Variants in NDST1 observed in about 807,000 individuals in gnomAD.
NDST1 encodes the protein N-deacetylase and N-sulfotransferase 1, also known as bifunctional heparan sulfate N-deacetylase/N-sulfotransferase 1.
A neutral mutation model predicts 92.8 loss-of-function variants in NDST1; 35 were observed. The ratio of observed to expected loss-of-function variants is 0.38; its 90% CI spans 0.29 to 0.50. The LOEUF (loss-of-function observed/expected upper bound fraction) is 0.50, where lower values mean the gene tolerates loss of function less well. Among genes scored for constraint, NDST1 ranks in the 20% least tolerant of loss-of-function variants. The pLI is 0.94. For synonymous variants in NDST1, 493 were observed against 500.3 expected, an observed-to-expected ratio of 0.99 and a Z score of 0.19; for missense variants, 822 against 1,182.7, an observed-to-expected ratio of 0.69 and a Z score of 4.47.
At chr5:150,527,766 A>G (rs376409539) in intron 2 of NDST1, 38 bp from the exon 3 acceptor site, 44 of 1,610,084 alleles carry the variant, frequency 2.7e-5, no homozygotes, top group Middle Eastern at 1.6e-4. Flanking sequence ...TCTGGATGTG[A>G]CAGTTCTGTT....
At chr5:150,536,544 C>T (rs1458784568) in intron 6 of NDST1, among the ~76,000 whole-genome samples, 1 of 151,882 alleles carries the variant, frequency 6.6e-6, no homozygotes, top group Non-Finnish European at 1.5e-5. Flanking sequence ...GGGGCTTCTA[C>T]CATGCATCTA....
At chr5:150,508,622 G>A (rs770302794) in intron 1 of NDST1, among the ~76,000 whole-genome samples, 3 of 152,142 alleles carry the variant, frequency 2.0e-5, no homozygotes, top group South Asian at 4.1e-4. Context: ...TCAGGGCCAC[G>A]GGGGAAGCTG....
rs150009231 is a variant in NDST1, at chr5:150,535,808, C to G, written c.1360C>G (p.Arg454Gly). 6.2e-7 allele frequency: 1 copy of G among 1,614,150 alleles called. No homozygotes were observed. The highest frequency in any genetic ancestry group is 2.2e-5 in the East Asian group (1 of 44,880). The stretch of plus-strand genomic sequence containing the variant: ...GGCTTGGAAGCAGGTGTGGAGCATC[C>G]GCGTGACCAGCACGGAGGAGTACCC... ...YEAWKQVWSI[R>G]VTSTEEYPHL... The change falls in exon 6 of 15, where the codon CGC (arginine) becomes GGC (glycine). Residue 454 changes from arginine (R) to glycine (G), a missense_variant. Physicochemically the swap from Arg to Gly is moderately radical, Grantham distance 125. Coordinates refer to ENST00000261797, the MANE Select transcript of NDST1 (RefSeq NM_001543.5).
intron 11 of NDST1, 55 bp downstream of exon 11, chr5:150,545,541 A>C (rs947037928): frequency 1.3e-6 from 2 of 1,591,758 alleles, no homozygotes; most frequent in Non-Finnish European, 1.7e-6. Flanking sequence ...TCCGTCTGAC[A>C]CTCAGTTACT....
At chr5:150,541,879 C>T (rs2151295608) in intron 9 of NDST1, among the ~76,000 whole-genome samples, 1 of 152,244 alleles carries the variant, frequency 6.6e-6, no homozygotes, top group Middle Eastern at 3.4e-3. Flanking sequence ...TTATCCTGAA[C>T]CATAGCCTCA....
At chr5:150,523,018 G>T (rs964534822) in intron 2 of NDST1, among the ~76,000 whole-genome samples, 2 of 152,200 alleles carry the variant, frequency 1.3e-5, no homozygotes, top group Non-Finnish European at 2.9e-5. Flanking sequence ...GGCCTTCCTG[G>T]TGCACTTGCG....
intron 10 of NDST1, 107 bp downstream of exon 10, chr5:150,543,078 C>A: frequency 7.0e-7 from 1 of 1,421,188 alleles, no homozygotes; most frequent in Non-Finnish European, 9.9e-7. Context: ...TCACACACAG[C>A]TGTCATTCCT....
At chr5:150,533,729 G>A (rs1754852139) in intron 4 of NDST1, among the ~76,000 whole-genome samples, 1 of 152,160 alleles carries the variant, frequency 6.6e-6, no homozygotes, top group Admixed American at 6.5e-5. Flanking sequence ...TAGCCCCAAA[G>A]CCAAATAGGA....
intron 2 of NDST1, among the ~76,000 whole-genome samples, chr5:150,524,238 G>T (rs1045417317): frequency 6.6e-6 from 1 of 152,202 alleles, no homozygotes; most frequent in African/African-American, 2.4e-5. Flanking sequence ...CAAGACAGTG[G>T]GTGGGGAGCA....
At chr5:150,535,475 C>T in intron 5 of NDST1, 1 of 863,568 alleles carries the variant, frequency 1.2e-6, no homozygotes, top group Non-Finnish European at 1.4e-6. Context: ...GACCAAGAGT[C>T]AGGAGACCTG....
At position 150,521,296 on chromosome 5, in the gene NDST1, G is replaced by T. The variant is rs757294061; in HGVS notation, c.42G>T (p.Val14=). 5 of 1,612,426 alleles carry T rather than the reference G, an allele frequency of 3.1e-6. No individual in the cohort carries two copies. The highest frequency in any genetic ancestry group is 4.2e-6 in the Non-Finnish European group (5 of 1,179,914). ...GCCTCCGGAGGCTGTGTCGGCACGT[G>T]TCCCCGCAGGCTGTCCTTTTCCTGC... ...LACLRRLCRH[V]SPQAVLFLLF... Residue 14 remains valine, a synonymous_variant, in exon 2 of 15, where the codon GTG becomes GTT. Coordinates refer to ENST00000261797, the MANE Select transcript of NDST1 (RefSeq NM_001543.5). The surrounding 1 kb of genome is among the most constrained non-coding windows in gnomAD (Gnocchi z 5.9).
At position 150,542,797 on chromosome 5, in the gene NDST1, C is replaced by A. The variant is rs375109574; in HGVS notation, c.1847-51C>A. On this transcript the variant is annotated intron_variant, in intron 9 of 14. Coordinates refer to ENST00000261797, the MANE Select transcript of NDST1 (RefSeq NM_001543.5). ...GCTAGGCCCAGAACCCAGACTCTAT[C>A]TTTTGGCTGGGGGCTGGGCCCTGGG... 4.9e-4 allele frequency: 796 copies of A among 1,613,350 alleles called. 1 individual carries two copies. The highest frequency in any genetic ancestry group is 6.4e-4 in the Non-Finnish European group (760 of 1,179,426).
chr5:150,553,168 C>G lies in NDST1; in HGVS notation c.2530-45C>G, dbSNP rs1755796564. On this transcript the variant is annotated intron_variant, in intron 14 of 14. Coordinates refer to ENST00000261797, the MANE Select transcript of NDST1 (RefSeq NM_001543.5). The surrounding 1 kb of genome is among the most constrained non-coding windows in gnomAD (Gnocchi z 4.2). The stretch of plus-strand genomic sequence containing the variant: ...GCATGGCGATTTTTAGAGGAGGTCA[C>G]TCTTAAGTCAGTACACAAGGTCTGA... 6.2e-7 allele frequency: 1 copy of G among 1,602,234 alleles called. No individual in the cohort carries two copies. Among genetic ancestry groups the G allele is most frequent in the African/African-American group, 1.3e-5 (1 of 74,732 alleles).
At chr5:150,525,761 CG>C (rs1754447312) in intron 2 of NDST1, among the ~76,000 whole-genome samples, 1 of 152,148 alleles carries the variant, frequency 6.6e-6, no homozygotes, top group African/African-American at 2.4e-5. Flanking sequence ...ACCCTGCCCC[CG>C]CCACTGACCT....
Position 150,521,783 on chromosome 5 carries a change from G to A in NDST1, c.513+16G>A, listed in dbSNP as rs765296656. On this transcript the variant is annotated intron_variant, in intron 2 of 14. Transcript: ENST00000261797. The surrounding 1 kb of genome is among the most constrained non-coding windows in gnomAD (Gnocchi z 5.9). ...CTTCTTCAAGGTACACAAGAAGCAG[G>A]GTCCCCGAGCAGTTCAGAGCCCCCT... 2 of 1,611,414 alleles carry A rather than the reference G, an allele frequency of 1.2e-6. No individual in the cohort carries two copies.
chr5:150,522,431 G>C (rs10075733), intron 2 of NDST1, among the ~76,000 whole-genome samples: 1 of 152,046 alleles, frequency 6.6e-6, no homozygotes, highest in East Asian at 1.9e-4. Context: ...CAGAGAATCT[G>C]TCCTTGGCGG....
Position 150,540,151 on chromosome 5 carries a change from C to A in NDST1, c.1636C>A (p.Leu546Met). The A allele has an allele frequency of 6.2e-7, 1 of 1,614,240 alleles. No individual in the cohort carries two copies. Among genetic ancestry groups the A allele is most frequent in the Non-Finnish European group, 8.5e-7 (1 of 1,180,054 alleles). Residue 546 changes from leucine (L) to methionine (M), a missense_variant, in exon 8 of 15, where the codon CTG (leucine) becomes ATG (methionine). By Grantham distance (15) the Leu-to-Met change is conservative (BLOSUM62 2). Transcript: ENST00000261797. ...DRLGLYTFKH[L>M]VRFLHSWTNL... ...CCTGGGCCTGTACACCTTCAAGCAC[C>A]TGGTGCGCTTCCTGCACTCCTGGAC...
chr5:150,533,595 T>C (rs796678531), intron 4 of NDST1, among the ~76,000 whole-genome samples: 45 of 152,280 alleles, frequency 3.0e-4, no homozygotes, highest in African/African-American at 1.0e-3. Context: ...ACCCCTCAGC[T>C]GGTCATCTGC....
Position 150,528,020 on chromosome 5 carries a change from C to T in NDST1, c.730C>T (p.Arg244Cys), listed in dbSNP as rs375092472. The change falls in exon 3 of 15, where the codon CGC becomes TGC. Residue 244 changes from arginine to cysteine, a missense_variant. Physicochemically the swap from Arg to Cys is radical, Grantham distance 180. Coordinates refer to ENST00000261797, the MANE Select transcript of NDST1 (RefSeq NM_001543.5). ...TYEPVLLAKTRSSESIPHLGA... is the reference protein window; with the variant it reads ...TYEPVLLAKTCSSESIPHLGA... Reference sequence around the variant, plus strand: ...TGAGCCAGTGCTGCTGGCCAAGACGCGCTCGTCTGAGTCCATCCCACACCT... The same window carrying T: ...TGAGCCAGTGCTGCTGGCCAAGACGTGCTCGTCTGAGTCCATCCCACACCT... The T allele has an allele frequency of 3.4e-5, 55 of 1,613,568 alleles. No individual in the cohort carries two copies. The highest frequency in any genetic ancestry group is 1.7e-4 in the Admixed American group (10 of 59,954).
Sources: allele counts gnomAD v4.1 joint callset (sites outside exome capture counted in the v4.1 genomes callset), GRCh38; gene constraint gnomAD v4.1.1; non-coding constraint Gnocchi (gnomAD v3.1); transcripts MANE v1.5; gene names NCBI Gene and HGNC (gene_info 2026-07-23, HGNC 2026-07-21).